ADIPOQ: variants seen among roughly 807,000 people sequenced by gnomAD.
The protein encoded by ADIPOQ is adiponectin, C1Q and collagen domain containing.
Under a neutral mutation model 16.1 loss-of-function variants are expected in ADIPOQ, and 19 were observed. That is an observed-to-expected ratio of 1.18 (90% CI 0.82 to 1.73). The LOEUF (loss-of-function observed/expected upper bound fraction) is 1.73. Among genes scored for constraint, ADIPOQ ranks in the 40% most tolerant of loss-of-function variants. The probability of loss-of-function intolerance (pLI) is 0.00; values close to 1 mark genes in which losing one functional copy is unlikely to be tolerated. For missense variants in ADIPOQ, 323 were observed against 308.3 expected, an observed-to-expected ratio of 1.05 and a Z score of -0.36; for synonymous variants, 124 against 125.5, an observed-to-expected ratio of 0.99 and a Z score of 0.08.
rs144232429 is a variant in ADIPOQ, at chr3:186,857,982, C to T, written c.*3278C>T. 43 of 151,114 alleles carry T rather than the reference C, an allele frequency of 2.8e-4. No individual in the cohort carries two copies. Among genetic ancestry groups the T allele is most frequent in the African/African-American group, 1.0e-3 (43 of 41,154 alleles). The allele number at this position is 151,114 out of a possible 1,614,324, so 9.4% of individuals were successfully genotyped here. ...CCTTCCTCCTTTTCTTTCTCTCTCT[C>T]TCTCTCTCTCTTTTTTTGACAGACT... On this transcript the variant is annotated 3_prime_UTR_variant, in exon 3 of 3. Coordinates refer to ENST00000320741, the MANE Select transcript of ADIPOQ (RefSeq NM_004797.4).
rs200197760 is a variant in ADIPOQ, at chr3:186,856,319, C to G, written c.*1615C>G. ...ATTTTAGCAAAAACAGAGTAAATAG[C>G]ATTCTCTATCAATATATAAATTTAA... On this transcript the variant is annotated 3_prime_UTR_variant, in exon 3 of 3. Transcript: ENST00000320741. 3.9e-5 allele frequency: 6 copies of G among 152,202 alleles called. No homozygotes were observed. The highest frequency in any genetic ancestry group is 8.8e-5 in the Non-Finnish European group (6 of 68,028). The allele number at this position is 152,202 out of a possible 1,614,324, so 9.4% of individuals were successfully genotyped here. A position where few individuals can be genotyped will look rare whatever the true frequency, so the allele number is the denominator to read the frequency against.
rs200623360 is a variant in ADIPOQ, at chr3:186,854,227, C to T, written c.258C>T (p.Pro86=). The change falls in exon 3 of 3, where the codon CCC becomes CCT. Residue 86 remains proline, a synonymous_variant. Coordinates refer to ENST00000320741, the MANE Select transcript of ADIPOQ (RefSeq NM_004797.4). ...GAGACATCGGTGAAACCGGAGTACC[C>T]GGGGCTGAAGGTCCCCGAGGCTTTC... ...PKGDIGETGV[P]GAEGPRGFPG... The T allele has an allele frequency of 8.7e-6, 14 of 1,613,416 alleles. No homozygotes were observed. Among genetic ancestry groups the T allele is most frequent in the South Asian group, 3.3e-5 (3 of 91,026 alleles).
At chr3:186,849,412 G>A (rs1450604872) in intron 1 of ADIPOQ, among the ~76,000 whole-genome samples, 2 of 152,180 alleles carry the variant, frequency 1.3e-5, no homozygotes, top group Non-Finnish European at 2.9e-5. Flanking sequence ...AAATGCAAAA[G>A]GGGCTTTGCT....
intron 1 of ADIPOQ, among the ~76,000 whole-genome samples, chr3:186,843,340 T>C (rs1006154766): frequency 2.6e-5 from 4 of 152,088 alleles, no homozygotes; most frequent in African/African-American, 9.7e-5. Flanking sequence ...TATGTAGGTA[T>C]AGGGATATCT....
chr3:186,849,028 T>G (rs1425473119), intron 1 of ADIPOQ, among the ~76,000 whole-genome samples: 2 of 152,154 alleles, frequency 1.3e-5, no homozygotes, highest in African/African-American at 2.4e-5. Context: ...CTGTCCATAA[T>G]ACTGAAGTTT....
Position 186,854,333 on chromosome 3 carries a change from T to TA in ADIPOQ, c.365dup (p.Tyr122Ter). 6.2e-7 allele frequency: 1 copy of TA among 1,614,184 alleles called. No homozygotes were observed. Among genetic ancestry groups the TA allele is most frequent in the Non-Finnish European group, 8.5e-7 (1 of 1,180,026 alleles). ...RSAFSVGLET[Y>*]VTIPNMPIRF... ...AGCATTCAGTGTGGGATTGGAGACT[T>TA]ACGTTACTATCCCCAACATGCCCAT... Residue 122 changes from tyrosine to a stop codon, truncating the protein, a stop_gained and frameshift_variant, in exon 3 of 3, where the codon TAC becomes TAAC. Transcript: ENST00000320741. LOFTEE classifies it high-confidence loss of function.
Position 186,856,482 on chromosome 3 carries a change from T to C in ADIPOQ, c.*1778T>C, listed in dbSNP as rs1306147800. ...TTGTTGTTGTTTTTAAGATGGAGTT[T>C]CCCTCTGTTGCCAGGCTAGAGTGCA... On this transcript the variant is annotated 3_prime_UTR_variant, in exon 3 of 3. Transcript: ENST00000320741. 1.3e-5 allele frequency: 2 copies of C among 152,214 alleles called. No individual in the cohort carries two copies. The highest frequency in any genetic ancestry group is 2.9e-5 in the Non-Finnish European group (2 of 68,062). 9.4% of individuals were successfully genotyped at this position (152,214 alleles called of 1,614,324 possible).
intron 1 of ADIPOQ, among the ~76,000 whole-genome samples, chr3:186,851,310 C>G (rs1424711037): frequency 6.6e-6 from 1 of 152,172 alleles, no homozygotes; most frequent in African/African-American, 2.4e-5. Context: ...AGTGATGCCT[C>G]TAATCCAGGA....
intron 1 of ADIPOQ, among the ~76,000 whole-genome samples, chr3:186,846,302 G>C (rs988514421): frequency 6.6e-6 from 1 of 151,446 alleles, no homozygotes; most frequent in Non-Finnish European, 1.5e-5. Flanking sequence ...TTGGAGTGCA[G>C]CTCAATGCAA....
chr3:186,843,353 C>T (rs1560105623), intron 1 of ADIPOQ, among the ~76,000 whole-genome samples: 1 of 152,074 alleles, frequency 6.6e-6, no homozygotes, highest in Non-Finnish European at 1.5e-5. Context: ...GGATATCTTA[C>T]AAGGTAATCA....
chr3:186,854,816 T>C lies in ADIPOQ; in HGVS notation c.*112T>C. 7.2e-7 allele frequency: 1 copy of C among 1,387,504 alleles called. No homozygotes were observed. Among genetic ancestry groups the C allele is most frequent in the African/African-American group, 1.4e-5 (1 of 69,988 alleles). The allele number at this position is 1,387,504 out of a possible 1,614,324, so 85.9% of individuals were successfully genotyped here. On this transcript the variant is annotated 3_prime_UTR_variant, in exon 3 of 3. Coordinates refer to ENST00000320741, the MANE Select transcript of ADIPOQ (RefSeq NM_004797.4). ...TTAGTTGGAGGCCTTTAGATATTATTCATTCATTTACTCATTCATTTATTC... is the reference window on the plus strand; with the variant it reads ...TTAGTTGGAGGCCTTTAGATATTATCCATTCATTTACTCATTCATTTATTC...
At chr3:186,847,672 G>A (rs1039220863) in intron 1 of ADIPOQ, among the ~76,000 whole-genome samples, 6 of 152,118 alleles carry the variant, frequency 3.9e-5, no homozygotes, top group Admixed American at 6.6e-5. Flanking sequence ...GTCACTAAAT[G>A]ACACATAACC....
chr3:186,853,379 T>A (rs1711860962), intron 2 of ADIPOQ, 107 bp downstream of exon 2: 5 of 1,393,394 alleles, frequency 3.6e-6, no homozygotes, highest in Non-Finnish European at 5.0e-6. Flanking sequence ...AAAGCAAAGC[T>A]TTTTTATGTT....
Position 186,856,551 on chromosome 3 carries a change from A to T in ADIPOQ, c.*1847A>T, listed in dbSNP as rs1161231859. 1 of 152,156 alleles carries T rather than the reference A, an allele frequency of 6.6e-6. No homozygotes were observed. Among genetic ancestry groups the T allele is most frequent in the Non-Finnish European group, 1.5e-5 (1 of 68,060 alleles). 9.4% of individuals were successfully genotyped at this position (152,156 alleles called of 1,614,324 possible). ...ACTGCAACCTTTGCCTCCCAGGTTC[A>T]AGCGATTCTTCTGCCTCAGCCTCCC... is the stretch of plus-strand genomic sequence containing the variant. On this transcript the variant is annotated 3_prime_UTR_variant, in exon 3 of 3. Coordinates refer to ENST00000320741, the MANE Select transcript of ADIPOQ (RefSeq NM_004797.4).
Position 186,853,156 on chromosome 3 carries a change from A to G in ADIPOQ, c.98A>G (p.Lys33Arg). 6.2e-7 allele frequency: 1 copy of G among 1,614,172 alleles called. No individual in the cohort carries two copies. Among genetic ancestry groups the G allele is most frequent in the African/African-American group, 1.3e-5 (1 of 75,056 alleles). ...QGPGVLLPLP[K>R]GACTGWMAGI... ...CCCGGAGTCCTGCTTCCCCTGCCCA[A>G]GGGGGCCTGCACAGGTTGGATGGCG... Residue 33 changes from lysine (K) to arginine (R), a missense_variant, in exon 2 of 3, where the codon AAG (lysine) becomes AGG (arginine). Coordinates refer to ENST00000320741, the MANE Select transcript of ADIPOQ (RefSeq NM_004797.4).
chr3:186,846,389 C>A (rs942578581), intron 1 of ADIPOQ, among the ~76,000 whole-genome samples: 1 of 151,938 alleles, frequency 6.6e-6, no homozygotes, highest in African/African-American at 2.4e-5. Flanking sequence ...GCACCACCAC[C>A]CCCAGCTAAT....
chr3:186,852,787 T>C (rs1560108940), intron 1 of ADIPOQ: 2 of 467,942 alleles, frequency 4.3e-6, no homozygotes, highest in Non-Finnish European at 7.8e-6. Context: ...AGGAGTGTCA[T>C]CTGTGCAATC....
Position 186,856,795 on chromosome 3 carries a change from T to C in ADIPOQ, c.*2091T>C, listed in dbSNP as rs1712021818. ...GCCTTGTGTTAGTCAGAACTCTGTGTTGTGAATGTCATTCACAACAGAAAA... is the reference window on the plus strand; with the variant it reads ...GCCTTGTGTTAGTCAGAACTCTGTGCTGTGAATGTCATTCACAACAGAAAA... On this transcript the variant is annotated 3_prime_UTR_variant, in exon 3 of 3. Transcript: ENST00000320741. 1.3e-5 allele frequency: 2 copies of C among 152,168 alleles called. No individual in the cohort carries two copies. Among genetic ancestry groups the C allele is most frequent in the South Asian group, 4.1e-4 (2 of 4,826 alleles). 9.4% of individuals were successfully genotyped at this position (152,168 alleles called of 1,614,324 possible). A position where few individuals can be genotyped will look rare whatever the true frequency, so the allele number is the denominator to read the frequency against.
At chr3:186,852,632 AAGG>A (rs1374650219) in intron 1 of ADIPOQ, 1 of 194,102 alleles carries the variant, frequency 5.2e-6, no homozygotes, top group African/African-American at 2.3e-5. Context: ...AAAAAGAAGA[AAGG>A]AGCCAGAGGA....
Sources: allele counts gnomAD v4.1 joint callset (sites outside exome capture counted in the v4.1 genomes callset), GRCh38; gene constraint gnomAD v4.1.1; transcripts MANE v1.5; gene names NCBI Gene and HGNC (gene_info 2026-07-23, HGNC 2026-07-21).